Variants in SEC14L3 observed in about 807,000 individuals in gnomAD.
SEC14L3 encodes the protein SEC14 like lipid binding 3.
A neutral mutation model predicts 57.4 loss-of-function variants in SEC14L3; 56 were observed. The observed-to-expected ratio is 0.97, with a 90% CI of 0.79 to 1.22. The LOEUF is 1.22. SEC14L3 is among the 50% of genes most tolerant of loss of function. The probability of loss-of-function intolerance (pLI) is 0.00; values close to 1 mark genes in which losing one functional copy is unlikely to be tolerated. For synonymous variants in SEC14L3, 173 were observed against 194.4 expected (o/e 0.89, Z 0.92); for missense variants, 485 against 511.7 (o/e 0.95, Z 0.50).
chr22:30,465,298 C>T (rs1047743190), intron 7 of SEC14L3, among the ~76,000 whole-genome samples: 2 of 152,194 alleles, frequency 1.3e-5, no homozygotes, highest in Non-Finnish European at 2.9e-5. Flanking sequence ...AATAGTCAAC[C>T]ATCTAACAAA....
chr22:30,461,844 A>T (rs1333941922), intron 9 of SEC14L3, 150 bp from the exon 10 acceptor site: 6 of 1,160,718 alleles, frequency 5.2e-6, no homozygotes, highest in South Asian at 3.0e-5. Flanking sequence ...GACCCTCCAA[A>T]CTGGGCCAGT....
chr22:30,450,707 G>A (rs1934965074), intron 12 of SEC14L3, among the ~76,000 whole-genome samples: 1 of 152,202 alleles, frequency 6.6e-6, no homozygotes, highest in South Asian at 2.1e-4. Flanking sequence ...TCATGGTCCT[G>A]AAAGGCATGC....
intron 11 of SEC14L3, 83 bp from the exon 12 acceptor site, chr22:30,460,225 T>C: frequency 2.6e-6 from 4 of 1,548,574 alleles, no homozygotes; most frequent in Non-Finnish European, 1.8e-6. Flanking sequence ...GAGGACAGGC[T>C]TGTGTTCCCA....
intron 9 of SEC14L3, 21 bp from the exon 10 acceptor site, chr22:30,461,715 G>T: frequency 6.2e-7 from 1 of 1,605,886 alleles, no homozygotes. Context: ...GGGATGAGAT[G>T]GGCTTGCTTC....
At chr22:30,465,603 A>G (rs1473145033) in intron 7 of SEC14L3, among the ~76,000 whole-genome samples, 1 of 152,234 alleles carries the variant, frequency 6.6e-6, no homozygotes, top group Non-Finnish European at 1.5e-5. Flanking sequence ...CAGGCAACCA[A>G]CTAACCAACC....
At position 30,461,368 on chromosome 22, in the gene SEC14L3, G is replaced by T. The variant is rs746425518; in HGVS notation, c.1023C>A (p.Arg341=). The T allele has an allele frequency of 6.2e-7, 1 of 1,613,924 alleles. No homozygotes were observed. Among genetic ancestry groups the T allele is most frequent in the Non-Finnish European group, 8.5e-7 (1 of 1,179,856 alleles). The part of the protein sequence containing the change: ...GEMTDVLPSQ[R]YNAHMVPEDG... ...CCTCGGGCACCATGTGGGCGTTATA[G>T]CGCTGGCTGGGTAGAACATCTGTCA... Residue 341 remains arginine, a synonymous_variant, in exon 11 of 12, where the codon CGC becomes CGA. Coordinates refer to ENST00000215812, the MANE Select transcript of SEC14L3 (RefSeq NM_174975.5).
rs1935572715 is a variant in SEC14L3, at chr22:30,470,527, A to C, written c.110T>G (p.Phe37Cys). 2.5e-6 allele frequency: 4 copies of C among 1,614,190 alleles called. No individual in the cohort carries two copies. Among genetic ancestry groups the C allele is most frequent in the African/African-American group, 1.3e-5 (1 of 75,066 alleles). Residue 37 changes from phenylalanine (F) to cysteine (C), a missense_variant, in exon 2 of 12, where the codon TTC becomes TGC. Physicochemically the swap from Phe to Cys is radical, Grantham distance 205. Coordinates refer to ENST00000215812, the MANE Select transcript of SEC14L3 (RefSeq NM_174975.5). ...LPALPNPDDY[F>C]LLRWLRARNF... Reference sequence around the variant, plus strand: ...CTCACCTCGGAGCCAGCGTAGAAGGAAATAATCATCAGGGTTGGGCAGGGC... The same window carrying C: ...CTCACCTCGGAGCCAGCGTAGAAGGCAATAATCATCAGGGTTGGGCAGGGC...
chr22:30,449,621 G>A (rs1055580298), intron 12 of SEC14L3, among the ~76,000 whole-genome samples: 5 of 150,330 alleles, frequency 3.3e-5, no homozygotes, highest in African/African-American at 7.4e-5. Flanking sequence ...CTGGAGTGCA[G>A]TGGCGCGATC....
intron 9 of SEC14L3, 27 bp from the exon 10 acceptor site, chr22:30,461,721 G>T (rs374070085): frequency 6.2e-7 from 1 of 1,600,632 alleles, no homozygotes; most frequent in Admixed American, 1.7e-5. Context: ...AGATGGGCTT[G>T]CTTCCGTCTC....
At chr22:30,449,158 G>T (rs757896766) in exon 13 of SEC14L3, 4 of 1,550,608 alleles carry the variant, frequency 2.6e-6, no homozygotes, top group Non-Finnish European at 3.5e-6. Flanking sequence ...GCCATCACTT[G>T]CGAGTTTGAG....
At chr22:30,457,571 C>T (rs1210696283), downstream of SEC14L3, among the ~76,000 whole-genome samples, 13 of 151,766 alleles carry the variant, frequency 8.6e-5, no homozygotes, top group Admixed American at 5.9e-4. Flanking sequence ...TTAGTAGAGA[C>T]GGGGTTTCAC....
chr22:30,452,155 T>C, intron 12 of SEC14L3, among the ~76,000 whole-genome samples: 1 of 151,694 alleles, frequency 6.6e-6, no homozygotes, highest in Non-Finnish European at 1.5e-5. Context: ...GCGTGTTTCA[T>C]ACTAATGCCC....
intron 8 of SEC14L3, among the ~76,000 whole-genome samples, chr22:30,462,926 G>A (rs562039310): frequency 3.9e-5 from 6 of 152,058 alleles, no homozygotes; most frequent in East Asian, 1.9e-4. Flanking sequence ...TAGTAGAGAC[G>A]GGGTTTCACC....
downstream of SEC14L3, among the ~76,000 whole-genome samples, chr22:30,455,112 T>TATATATTATATTA (rs1935090358): frequency 1.7e-5 from 1 of 59,218 alleles, no homozygotes; most frequent in African/African-American, 8.0e-5. Flanking sequence ...ATTTAATATT[T>TATATATTATATTA]AATATTTAAT....
rs150581581 is a variant in SEC14L3 at position 30,470,841 on chromosome 22, G to A, written c.55-259C>T. On this transcript the variant is annotated intron_variant, in intron 1 of 11. Transcript: ENST00000215812. ...GGTAGGTAGATGGAAAAAGGGAGAA[G>A]AAATCAATGGATGAATGGATAGATG... is the stretch of plus-strand genomic sequence containing the variant. 2.4e-3 allele frequency among the ~76,000 whole-genome samples: 359 copies of A among 152,264 alleles called. 8 individuals are homozygous for A. The highest frequency in any genetic ancestry group is 8.4e-3 in the African/African-American group (350 of 41,554).
chr22:30,450,378 T>C (rs183744406), intron 12 of SEC14L3, among the ~76,000 whole-genome samples: 47 of 152,200 alleles, frequency 3.1e-4, no homozygotes, highest in Non-Finnish European at 6.0e-4. Context: ...TGATCTTGGC[T>C]CACTACAACC....
chr22:30,468,951 G>C, intron 4 of SEC14L3: 2 of 1,440,454 alleles, frequency 1.4e-6, no homozygotes, highest in Non-Finnish European at 1.8e-6. Flanking sequence ...TGTCTCCCGT[G>C]TCCCTTTCTG....
intron 12 of SEC14L3, among the ~76,000 whole-genome samples, chr22:30,451,322 G>A (rs1463303566): frequency 1.3e-5 from 2 of 152,126 alleles, no homozygotes; most frequent in Non-Finnish European, 2.9e-5. Context: ...TAGTCGGGGA[G>A]GGGATGGACA....
chr22:30,457,623 T>TC (rs1387252404), downstream of SEC14L3, among the ~76,000 whole-genome samples: 1 of 151,984 alleles, frequency 6.6e-6, no homozygotes, highest in Non-Finnish European at 1.5e-5. Flanking sequence ...CGTCAAGTGA[T>TC]CCGCCTGCCT....
Sources: allele counts gnomAD v4.1 joint callset (sites outside exome capture counted in the v4.1 genomes callset), GRCh38; gene constraint gnomAD v4.1.1; transcripts MANE v1.5; gene names NCBI Gene and HGNC (gene_info 2026-07-23, HGNC 2026-07-21).